AGER: variants seen among roughly 807,000 people sequenced by gnomAD.
AGER encodes advanced glycation end product-specific receptor.
A neutral mutation model predicts 48.8 loss-of-function variants in AGER; 46 were observed. That is an observed-to-expected ratio of 0.94 (90% CI 0.74 to 1.20). The LOEUF (loss-of-function observed/expected upper bound fraction) is 1.20. AGER is among the 50% of genes most tolerant of loss of function. AGER has a pLI of 0.00. For synonymous variants in AGER, 170 were observed against 199.9 expected (o/e 0.85, Z 1.26); for missense variants, 489 against 515.0 (o/e 0.95, Z 0.49).
chr6:32,182,885 CG>C lies in AGER; in HGVS notation c.646del (p.Arg216AspfsTer34), dbSNP rs1242075926. 1 of 1,611,222 alleles carries C rather than the reference CG, an allele frequency of 6.2e-7. No individual in the cohort carries two copies. The highest frequency in any genetic ancestry group is 1.3e-5 in the African/African-American group (1 of 74,878). ...GGGGGCTGTGCGCAAGGCCCGGTGT[CG>C]GGGAAGGCCTGGGCTGAAGCTACAG... ...FSCSFSPGLP[R>X]HRALRTAPIQ... On this transcript the variant is annotated frameshift_variant, in exon 6 of 11. Transcript: ENST00000375076. LOFTEE classifies it high-confidence loss of function. This position sits in a 1 kb window ranked among gnomAD's most constrained non-coding sequence, Gnocchi z 5.1.
In AGER at chr6:32,181,132, C is replaced by G. The variant is rs972910350; in HGVS notation, c.*11G>C. 1 of 1,613,626 alleles carries G rather than the reference C, an allele frequency of 6.2e-7. No individual in the cohort carries two copies. Among genetic ancestry groups the G allele is most frequent in the African/African-American group, 1.3e-5 (1 of 74,930 alleles). On this transcript the variant is annotated 3_prime_UTR_variant, in exon 11 of 11. Transcript: ENST00000375076. This position sits in a 1 kb window ranked among gnomAD's most constrained non-coding sequence, Gnocchi z 4.1. ...AAGGGAGCTGATGGATGGGATCTGT[C>G]TGTGGGCCCCTCAAGGCCCTCCAGT...
chr6:32,183,404 T>A lies in AGER; in HGVS notation c.356-16A>T. ...CCAGGAATCTCTGAAGGAGGAAAAA[T>A]CCAGTCAGAGGCTGTAATTGTGAAG... On this transcript the variant is annotated splice_polypyrimidine_tract_variant and intron_variant, in intron 3 of 10. Coordinates refer to ENST00000375076, the MANE Select transcript of AGER (RefSeq NM_001136.5). The A allele has an allele frequency of 6.2e-7, 1 of 1,612,072 alleles. No individual in the cohort carries two copies. The highest frequency in any genetic ancestry group is 1.3e-5 in the African/African-American group (1 of 75,024).
chr6:32,182,247 C>T lies in AGER; in HGVS notation c.964G>A (p.Glu322Lys), dbSNP rs761554882. Reference protein sequence around the residue: ...ESRAVSISIIEPGEEGPTAGS... With the variant: ...ESRAVSISIIKPGEEGPTAGS... ...TGTAGGGCTTGGGGAGAGGTCTCAC[C>T]GATGATGCTGATGCTGACAGCACGG... Residue 322 changes from glutamate (E) to lysine (K), a missense_variant and splice_region_variant, in exon 8 of 11, where the codon GAA (glutamate) becomes AAA (lysine). Physicochemically the swap from Glu to Lys is moderately conservative, Grantham distance 56. Transcript: ENST00000375076. The surrounding 1 kb of genome is among the most constrained non-coding windows in gnomAD (Gnocchi z 5.1). 2.3e-5 allele frequency: 37 copies of T among 1,612,662 alleles called. No homozygotes were observed. The highest frequency in any genetic ancestry group is 8.0e-5 in the African/African-American group (6 of 74,864).
rs1282723686 is a variant in AGER at position 32,183,705 on chromosome 6, C to T, written c.205G>A (p.Gly69Arg). The T allele has an allele frequency of 6.2e-7, 1 of 1,613,118 alleles. No homozygotes were observed. The highest frequency in any genetic ancestry group is 8.5e-7 in the Non-Finnish European group (1 of 1,180,032). ...EAWKVLSPQG[G>R]GPWDSVARVL... is the part of the protein sequence containing the mutation. ...CGAGCCACACTGTCCCAGGGGCCTC[C>T]TCCCTGGGGAGACAGGACCTTCCAA... Residue 69 changes from glycine to arginine, a missense_variant, in exon 3 of 11, where the codon GGA becomes AGA. Transcript: ENST00000375076.
chr6:32,181,047 G>A lies in AGER; in HGVS notation c.*96C>T. 7.6e-7 allele frequency: 1 copy of A among 1,310,286 alleles called. No individual in the cohort carries two copies. The highest frequency in any genetic ancestry group is 1.1e-6 in the Non-Finnish European group (1 of 916,082). 81.2% of individuals were successfully genotyped at this position (1,310,286 alleles called of 1,614,324 possible). On this transcript the variant is annotated 3_prime_UTR_variant, in exon 11 of 11. Transcript: ENST00000375076. This position sits in a 1 kb window ranked among gnomAD's most constrained non-coding sequence, Gnocchi z 4.1. ...AAGCTTGGCAAGGTGGGGTTATACA[G>A]GAGAGAGATTATACAGGAGAGAGTT... is the stretch of plus-strand genomic sequence containing the variant.
intron 2 of AGER, 55 bp from the exon 3 acceptor site, chr6:32,183,805 G>A: frequency 6.2e-7 from 1 of 1,611,566 alleles, no homozygotes; most frequent in South Asian, 1.1e-5. Flanking sequence ...AAAGGACTGT[G>A]AGGCAGAGTG....
chr6:32,182,929 A>T lies in AGER; in HGVS notation c.603T>A (p.Asp201Glu). ...AGCTACAGGAGAAGGTGGGACGGGG[A>T]TCTCCTCCCCGGGCTGGGGTCACCA... is the stretch of plus-strand genomic sequence containing the variant. ...ELMVTPARGG[D>E]PRPTFSCSFS... Residue 201 changes from aspartate (D) to glutamate (E), a missense_variant, in exon 6 of 11, where the codon GAT becomes GAA. Asp to Glu is a conservative substitution (Grantham distance 45). Coordinates refer to ENST00000375076, the MANE Select transcript of AGER (RefSeq NM_001136.5). This position sits in a 1 kb window ranked among gnomAD's most constrained non-coding sequence, Gnocchi z 5.1. The T allele has an allele frequency of 6.2e-7, 1 of 1,612,106 alleles. No homozygotes were observed. The highest frequency in any genetic ancestry group is 8.5e-7 in the Non-Finnish European group (1 of 1,179,578).
chr6:32,181,039 GTTATACAGGAGAGAGA>G lies in AGER; in HGVS notation c.*88_*103del, dbSNP rs1786082164. On this transcript the variant is annotated 3_prime_UTR_variant, in exon 11 of 11. Coordinates refer to ENST00000375076, the MANE Select transcript of AGER (RefSeq NM_001136.5). The surrounding 1 kb of genome is among the most constrained non-coding windows in gnomAD (Gnocchi z 4.1). Reference sequence around the variant, plus strand: ...GTAGAAGAAAGCTTGGCAAGGTGGGGTTATACAGGAGAGAGATTATACAGGAGAGAGTTGGTCTGAG... The same window carrying G: ...GTAGAAGAAAGCTTGGCAAGGTGGGGTTATACAGGAGAGAGTTGGTCTGAG... 15 of 1,210,462 alleles carry G rather than the reference GTTATACAGGAGAGAGA, an allele frequency of 1.2e-5. No homozygotes were observed. The highest frequency in any genetic ancestry group is 1.8e-5 in the Non-Finnish European group (15 of 832,686). 75.0% of individuals were successfully genotyped at this position (1,210,462 alleles called of 1,614,324 possible). A position where few individuals can be genotyped will look rare whatever the true frequency, so the allele number is the denominator to read the frequency against.
At position 32,182,973 on chromosome 6, in the gene AGER, T is replaced by A. The variant is rs759204120; in HGVS notation, c.559A>T (p.Thr187Ser). 1.1e-5 allele frequency: 17 copies of A among 1,612,790 alleles called. 1 individual carries two copies. The Admixed American group carries it at 2.2e-4, about 21-fold the overall frequency. The change falls in exon 6 of 11, where the codon ACA (threonine) becomes TCA (serine). Residue 187 changes from threonine (T) to serine (S), a missense_variant. Coordinates refer to ENST00000375076, the MANE Select transcript of AGER (RefSeq NM_001136.5). The surrounding 1 kb of genome is among the most constrained non-coding windows in gnomAD (Gnocchi z 5.1). ...TRRHPETGLF[T>S]LQSELMVTPA... ...GTCACCATTAGCTCCGACTGCAGTG[T>A]GAAGAGCCCTGTCTCAGGGTGTCTC...
Sources: gnomAD v4.1 joint callset for allele counts on GRCh38, gnomAD v4.1.1 for gene constraint, Gnocchi (gnomAD v3.1) non-coding constraint, MANE v1.5 for transcripts, NCBI Gene and HGNC (gene_info 2026-07-23, HGNC 2026-07-21) for gene names.